Variants in STPG1 observed in about 807,000 individuals in gnomAD.
STPG1 encodes sperm tail PG-rich repeat containing 1.
A neutral mutation model predicts 40.1 loss-of-function variants in STPG1; 33 were observed. That is an observed-to-expected ratio of 0.82 (90% CI 0.62 to 1.10). The LOEUF (loss-of-function observed/expected upper bound fraction) is 1.10. Among genes scored for constraint, STPG1 ranks in the 50% least tolerant of loss-of-function variants. The pLI, the probability that STPG1 is intolerant of heterozygous loss-of-function variation, is 0.00. For synonymous variants in STPG1, 150 were observed against 155.0 expected, an observed-to-expected ratio of 0.97 and a Z score of 0.24; for missense variants, 396 against 415.1, an observed-to-expected ratio of 0.95 and a Z score of 0.40.
Position 24,401,394 on chromosome 1 carries a change from C to G in STPG1, c.-6G>C, listed in dbSNP as rs773293713. The G allele has an allele frequency of 1.2e-6, 2 of 1,613,690 alleles. No individual in the cohort carries two copies. On this transcript the variant is annotated 5_prime_UTR_variant, in exon 2 of 9. Transcript: ENST00000337248. ...TTCTGTGCAGAGTTGTCCATGTTAG[C>G]AAAATTCTGTGACGTGTTCCATTTG... is the stretch of plus-strand genomic sequence containing the variant.
chr1:24,400,773 A>G (rs1169371507), intron 2 of STPG1, among the ~76,000 whole-genome samples: 1 of 152,220 alleles, frequency 6.6e-6, no homozygotes, highest in Non-Finnish European at 1.5e-5. Context: ...AAGGGAGCAC[A>G]TGAGCTGGGA....
At chr1:24,370,290 T>G (rs1193396894) in intron 6 of STPG1, among the ~76,000 whole-genome samples, 1 of 151,986 alleles carries the variant, frequency 6.6e-6, no homozygotes, top group Non-Finnish European at 1.5e-5. Context: ...GTGGATGCTT[T>G]GTAAATATCA....
At chr1:24,369,243 C>A in intron 7 of STPG1, 1 of 406,946 alleles carries the variant, frequency 2.5e-6, no homozygotes, top group Non-Finnish European at 5.1e-6. Flanking sequence ...GCCACTCCAG[C>A]GAAGATTTTA....
At chr1:24,401,118 C>A in intron 2 of STPG1, 1 of 456,194 alleles carries the variant, frequency 2.2e-6, no homozygotes, top group South Asian at 5.9e-5. Context: ...AGACTTCCTC[C>A]TTCTTCTCTC....
At chr1:24,365,475 T>G (rs1210660779) in intron 7 of STPG1, among the ~76,000 whole-genome samples, 1 of 152,224 alleles carries the variant, frequency 6.6e-6, no homozygotes, top group Non-Finnish European at 1.5e-5. Context: ...GATACTTCAC[T>G]TTGCTTCTGA....
rs1640870656 is a variant in STPG1 at position 24,358,479 on chromosome 1, G to A, written c.*64C>T. ...CATGATCGGTCTCCTCCTGAGGAAT[G>A]TCCTGGGGACGCTGGGCAGGGTGGG... On this transcript the variant is annotated 3_prime_UTR_variant, in exon 9 of 9. Coordinates refer to ENST00000337248, the MANE Select transcript of STPG1 (RefSeq NM_001199013.2). The A allele has an allele frequency of 7.3e-7, 1 of 1,370,148 alleles. No individual in the cohort carries two copies. The highest frequency in any genetic ancestry group is 1.7e-5 in the Admixed American group (1 of 59,704). The allele number at this position is 1,370,148 out of a possible 1,614,324, so 84.9% of individuals were successfully genotyped here.
chr1:24,364,559 T>TA (rs1225188248), intron 7 of STPG1: 1 of 1,004,944 alleles, frequency 1.0e-6, no homozygotes, highest in Non-Finnish European at 1.3e-6. Flanking sequence ...TTGAGGCCCC[T>TA]AGCCCTATCC....
chr1:24,404,234 T>A (rs1458644503), intron 1 of STPG1, among the ~76,000 whole-genome samples: 1 of 152,218 alleles, frequency 6.6e-6, no homozygotes. Context: ...TTACATTGAT[T>A]GATTTTCAAA....
rs1643151832 is a variant in STPG1, at chr1:24,399,887, G to A, written c.70+1432C>T. Among the ~76,000 whole-genome samples, 1 of 152,206 alleles carries A rather than the reference G, an allele frequency of 6.6e-6. No individual in the cohort carries two copies. Among genetic ancestry groups the A allele is most frequent in the South Asian group, 2.1e-4 (1 of 4,832 alleles). On this transcript the variant is annotated intron_variant, in intron 2 of 8. Coordinates refer to ENST00000337248, the MANE Select transcript of STPG1 (RefSeq NM_001199013.2). The surrounding 1 kb of genome is among the most constrained non-coding windows in gnomAD (Gnocchi z 4.0). ...ATTATGAGCTTAAAATGTTGGTGAG[G>A]ATTTGGAGCAGCTGGAATTCACATA...
At chr1:24,401,098 A>AT (rs1643205553) in intron 2 of STPG1, 1 of 444,326 alleles carries the variant, frequency 2.3e-6, no homozygotes, top group East Asian at 3.3e-5. Context: ...TTAGTTTTTT[A>AT]TTTTTTAACA....
rs185679638 is a variant in STPG1, at chr1:24,391,336, G to A, written c.189+225C>T. 32 of 343,136 alleles carry A rather than the reference G, an allele frequency of 9.3e-5. No homozygotes were observed. In the East Asian group the frequency reaches 1.2e-3, roughly 13 times the overall value. The allele number at this position is 343,136 out of a possible 1,614,324, so 21.3% of individuals were successfully genotyped here. On this transcript the variant is annotated intron_variant, in intron 3 of 8. Transcript: ENST00000337248. ...TTTGGTCCAGTTCAATATTTTTGGC[G>A]CCATAAATCCAGACACAGTTGTTTT...
chr1:24,384,106 G>T, intron 3 of STPG1, 103 bp from the exon 4 acceptor site: 1 of 709,136 alleles, frequency 1.4e-6, no homozygotes, highest in Non-Finnish European at 2.5e-6. Context: ...TAATCCCACA[G>T]CACAGGCGCT....
rs1186201768 is a variant in STPG1 at position 24,399,488 on chromosome 1, TTAAG to T, written c.70+1827_70+1830del. ...CTATCTTGGGATGGGCAAAGATTTC[TTAAG>T]TATTAATAAAATAGACATGTACACT... On this transcript the variant is annotated intron_variant, in intron 2 of 8. Coordinates refer to ENST00000337248, the MANE Select transcript of STPG1 (RefSeq NM_001199013.2). The surrounding 1 kb of genome is among the most constrained non-coding windows in gnomAD (Gnocchi z 4.0). Among the ~76,000 whole-genome samples, 7 of 152,308 alleles carry T rather than the reference TTAAG, an allele frequency of 4.6e-5. No homozygotes were observed. Among genetic ancestry groups the T allele is most frequent in the Admixed American group, 2.0e-4 (3 of 15,308 alleles).
At chr1:24,380,062 T>C (rs939648979) in intron 4 of STPG1, among the ~76,000 whole-genome samples, 14 of 152,202 alleles carry the variant, frequency 9.2e-5, no homozygotes, top group African/African-American at 1.4e-4. Flanking sequence ...TGTTTGGGAC[T>C]TGGCAAAAAT....
chr1:24,379,095 A>G (rs1469349364), intron 5 of STPG1, among the ~76,000 whole-genome samples: 1 of 152,198 alleles, frequency 6.6e-6, no homozygotes, highest in East Asian at 1.9e-4. Context: ...AGCCCTGGAA[A>G]GGTTAAGGGA....
intron 7 of STPG1, chr1:24,369,357 T>C (rs760457616): frequency 4.4e-4 from 228 of 519,632 alleles, no homozygotes; most frequent in Non-Finnish European, 5.1e-4. Flanking sequence ...TCAAGTTGGC[T>C]GTGTGGACTT....
In STPG1 at chr1:24,401,298, TC is replaced by T; in HGVS notation, c.70+20del. Reference sequence around the variant, plus strand: ...TAAGCATATGTCAGGAGCTATCTCCTCCCTGCAAAGACACATGTACCTTTCT... The same window carrying T: ...TAAGCATATGTCAGGAGCTATCTCCTCCTGCAAAGACACATGTACCTTTCT... On this transcript the variant is annotated intron_variant, in intron 2 of 8. Transcript: ENST00000337248. 1.2e-6 allele frequency: 2 copies of T among 1,612,234 alleles called. No individual in the cohort carries two copies. Among genetic ancestry groups the T allele is most frequent in the Non-Finnish European group, 8.5e-7 (1 of 1,178,356 alleles).
intron 5 of STPG1, among the ~76,000 whole-genome samples, chr1:24,375,101 T>C (rs1233260017): frequency 6.6e-6 from 1 of 152,210 alleles, no homozygotes; most frequent in East Asian, 1.9e-4. Flanking sequence ...TGTCTCAACT[T>C]TCCTGAACTG....
chr1:24,399,604 T>C lies in STPG1; in HGVS notation c.70+1715A>G, dbSNP rs1270783023. Among the ~76,000 whole-genome samples, 1 of 151,912 alleles carries C rather than the reference T, an allele frequency of 6.6e-6. No homozygotes were observed. Among genetic ancestry groups the C allele is most frequent in the African/African-American group, 2.4e-5 (1 of 41,376 alleles). ...ATTGTTAAGAGAGTGAAAAGGAAAG[T>C]CCCAGGATAAGGGATGACATTTACC... On this transcript the variant is annotated intron_variant, in intron 2 of 8. Coordinates refer to ENST00000337248, the MANE Select transcript of STPG1 (RefSeq NM_001199013.2). This position sits in a 1 kb window ranked among gnomAD's most constrained non-coding sequence, Gnocchi z 4.0.
Sources: allele counts gnomAD v4.1 joint callset (sites outside exome capture counted in the v4.1 genomes callset), GRCh38; gene constraint gnomAD v4.1.1; non-coding constraint Gnocchi (gnomAD v3.1); transcripts MANE v1.5; gene names NCBI Gene and HGNC (gene_info 2026-07-23, HGNC 2026-07-21).